The following AFG1L variants were observed in gnomAD, a reference collection of about 807,000 sequenced individuals.
The protein encoded by AFG1L is AFG1 like ATPase.
In AFG1L, 53 loss-of-function variants were observed where a neutral mutation model predicts 62.2. That is an observed-to-expected ratio of 0.85 (90% CI 0.68 to 1.07). The LOEUF (loss-of-function observed/expected upper bound fraction) is 1.07. Ranked by LOEUF, AFG1L falls within the 50% of genes least tolerant of loss-of-function variation. AFG1L has a pLI of 0.00. For missense variants in AFG1L, 555 were observed against 590.5 expected (o/e 0.94, Z 0.62); for synonymous variants, 228 against 210.3 (o/e 1.08, Z -0.73).
chr6:108,388,936 A>G (rs1165944755), intron 6 of AFG1L, among the ~76,000 whole-genome samples: 3 of 151,934 alleles, frequency 2.0e-5, no homozygotes, highest in Non-Finnish European at 4.4e-5. Flanking sequence ...TATCCTTGTT[A>G]ACTTTCTGTC....
intron 8 of AFG1L, among the ~76,000 whole-genome samples, chr6:108,447,752 CT>C (rs1771878170): frequency 6.6e-6 from 1 of 151,988 alleles, no homozygotes; most frequent in Non-Finnish European, 1.5e-5. Context: ...ACAAATACAA[CT>C]GGATATATTT....
rs577038067 is a variant in AFG1L at position 108,515,179 on chromosome 6, G to A, written c.1204-4518G>A. On this transcript the variant is annotated intron_variant, in intron 11 of 12. Coordinates refer to ENST00000368977, the MANE Select transcript of AFG1L (RefSeq NM_145315.5). ...GACATCTACAGAACTCTCCACCCCAGATCAACAGAATATACATTCTTTTCA... is the reference window on the plus strand; with the variant it reads ...GACATCTACAGAACTCTCCACCCCAAATCAACAGAATATACATTCTTTTCA... 1.7e-3 allele frequency among the ~76,000 whole-genome samples: 253 copies of A among 152,134 alleles called. 1 individual carries two copies. Among genetic ancestry groups the A allele is most frequent in the African/African-American group, 4.7e-3 (197 of 41,506 alleles).
intron 7 of AFG1L, among the ~76,000 whole-genome samples, chr6:108,440,733 A>G (rs1329946761): frequency 6.6e-6 from 1 of 151,492 alleles, no homozygotes; most frequent in Admixed American, 6.6e-5. Flanking sequence ...GGCAGGGAGA[A>G]TTGCTTGAAC....
At chr6:108,340,090 C>T (rs985036944) in intron 2 of AFG1L, among the ~76,000 whole-genome samples, 3 of 151,618 alleles carry the variant, frequency 2.0e-5, no homozygotes, top group Non-Finnish European at 4.4e-5. Context: ...CTTCTACTTG[C>T]TATGTTCATG....
intron 1 of AFG1L, among the ~76,000 whole-genome samples, chr6:108,302,211 G>C (rs1426722547): frequency 1.3e-5 from 2 of 152,120 alleles, no homozygotes; most frequent in African/African-American, 4.8e-5. Context: ...CCAAAGTACT[G>C]GGATTACAGG....
At chr6:108,487,877 A>G (rs79357716) in intron 10 of AFG1L, among the ~76,000 whole-genome samples, 3 of 152,198 alleles carry the variant, frequency 2.0e-5, no homozygotes, top group Non-Finnish European at 4.4e-5. Flanking sequence ...AGATTCTACC[A>G]TCAAAATCAG....
chr6:108,522,276 A>G (rs1775153616), intron 12 of AFG1L, 21 bp from the exon 13 acceptor site: 1 of 1,606,782 alleles, frequency 6.2e-7, no homozygotes, highest in Non-Finnish European at 8.5e-7. Flanking sequence ...CTTTATTTTA[A>G]TTTCTTTGTT....
At chr6:108,305,047 G>A (rs1777151044) in intron 1 of AFG1L, among the ~76,000 whole-genome samples, 1 of 152,204 alleles carries the variant, frequency 6.6e-6, no homozygotes, top group Admixed American at 6.5e-5. Flanking sequence ...ATGTGAGAAA[G>A]TCTTTTGAAA....
intron 8 of AFG1L, among the ~76,000 whole-genome samples, chr6:108,451,197 G>A (rs937597180): frequency 2.0e-5 from 3 of 152,208 alleles, no homozygotes; most frequent in South Asian, 2.1e-4. Flanking sequence ...AACACCAAGC[G>A]CTATCTCAGA....
intron 1 of AFG1L, chr6:108,318,067 AT>A (rs1777674177): frequency 6.5e-6 from 1 of 153,924 alleles, no homozygotes; most frequent in Non-Finnish European, 1.4e-5. Flanking sequence ...TGTAGATAGC[AT>A]TCCCATAAAC....
At chr6:108,428,104 C>T (rs1770906582) in intron 7 of AFG1L, among the ~76,000 whole-genome samples, 1 of 152,082 alleles carries the variant, frequency 6.6e-6, no homozygotes, top group Non-Finnish European at 1.5e-5. Context: ...CCCTCTATAA[C>T]CACTCCATCT....
intron 4 of AFG1L, 144 bp downstream of exon 4, chr6:108,355,899 G>T: frequency 1.5e-6 from 1 of 650,036 alleles, no homozygotes; most frequent in Non-Finnish European, 2.7e-6. Flanking sequence ...TTTGTGCTAT[G>T]TTGAAACAGT....
chr6:108,407,446 A>G (rs1781906637), intron 7 of AFG1L, among the ~76,000 whole-genome samples: 1 of 152,168 alleles, frequency 6.6e-6, no homozygotes, highest in Non-Finnish European at 1.5e-5. Flanking sequence ...TGGCAGGCCA[A>G]CATGGGAGAA....
rs550066661 is a variant in AFG1L at position 108,524,473 on chromosome 6, C to T, written c.*2048C>T. 3 of 152,246 alleles carry T rather than the reference C, an allele frequency of 2.0e-5. No homozygotes were observed. Among genetic ancestry groups the T allele is most frequent in the South Asian group, 2.1e-4 (1 of 4,822 alleles). The allele number at this position is 152,246 out of a possible 1,614,324, so 9.4% of individuals were successfully genotyped here. ...TTTCATTTTTCCATCGAAACAATCA[C>T]GTAATGTTAGTTGGGGTGCTGGTCA... is the stretch of plus-strand genomic sequence containing the variant. On this transcript the variant is annotated 3_prime_UTR_variant, in exon 13 of 13. Coordinates refer to ENST00000368977, the MANE Select transcript of AFG1L (RefSeq NM_145315.5).
chr6:108,517,304 G>C (rs936808302), intron 11 of AFG1L, among the ~76,000 whole-genome samples: 1 of 152,124 alleles, frequency 6.6e-6, no homozygotes, highest in African/African-American at 2.4e-5. Context: ...CCAAAACAGA[G>C]ATATAGACCA....
rs185446079 is a variant in AFG1L, at chr6:108,514,964, T to C, written c.1203+4612T>C. 2.1e-3 allele frequency among the ~76,000 whole-genome samples: 323 copies of C among 152,320 alleles called. 1 individual carries two copies. Among genetic ancestry groups the C allele is most frequent in the Non-Finnish European group, 3.7e-3 (251 of 68,040 alleles). On this transcript the variant is annotated intron_variant, in intron 11 of 12. Transcript: ENST00000368977. ...AAGAGCTAACTCTTCTAAATATATA[T>C]GCACCCAATACAGGAGCACCCAGAT...
intron 7 of AFG1L, among the ~76,000 whole-genome samples, chr6:108,420,194 G>T (rs1770523694): frequency 6.6e-6 from 1 of 151,764 alleles, no homozygotes; most frequent in African/African-American, 2.4e-5. Context: ...CTTATGAGTT[G>T]GCTTTTTAAT....
chr6:108,420,740 G>A lies in AFG1L; in HGVS notation c.807+18686G>A, dbSNP rs12529584. ...TATAAAATAAAAATAAAGATTTTTCGCGACATATGTAAATTATATATTTGT... is the reference window on the plus strand; with the variant it reads ...TATAAAATAAAAATAAAGATTTTTCACGACATATGTAAATTATATATTTGT... On this transcript the variant is annotated intron_variant, in intron 7 of 12. Coordinates refer to ENST00000368977, the MANE Select transcript of AFG1L (RefSeq NM_145315.5). Among the ~76,000 whole-genome samples the A allele has an allele frequency of 4.2e-3, 630 of 151,678 alleles. 11 individuals carry two copies. Among genetic ancestry groups the A allele is most frequent in the Admixed American group, 0.014 (215 of 15,224 alleles).
rs1475779033 is a variant in AFG1L, at chr6:108,324,028, G to A, written c.343G>A (p.Ala115Thr). 1.2e-6 allele frequency: 2 copies of A among 1,610,694 alleles called. No individual in the cohort carries two copies. The highest frequency in any genetic ancestry group is 1.7e-5 in the Admixed American group (1 of 59,830). Residue 115 changes from alanine to threonine, a missense_variant, in exon 2 of 13, where the codon GCA becomes ACA. Transcript: ENST00000368977. ...GGACCTTAAAGGATACAATATAGAG[G>A]CAGAAGGCCTTTTTTCAAAGGTGAG... ...HEDLKGYNIE[A>T]EGLFSKLFSR...
Sources: gnomAD v4.1 joint callset for allele counts (sites outside exome capture counted in the v4.1 genomes callset) on GRCh38, gnomAD v4.1.1 for gene constraint, MANE v1.5 for transcripts, NCBI Gene and HGNC (gene_info 2026-07-23, HGNC 2026-07-21) for gene names.